The following OTOGL variants were observed in gnomAD, a reference collection of about 807,000 sequenced individuals.
The protein encoded by OTOGL is otogelin-like protein.
A neutral mutation model predicts 318.5 loss-of-function variants in OTOGL; 285 were observed. That is an observed-to-expected ratio of 0.89 (90% CI 0.81 to 0.99). OTOGL has a LOEUF of 0.99. OTOGL is among the 50% of genes least tolerant of loss of function. The pLI, the probability that OTOGL is intolerant of heterozygous loss-of-function variation, is 0.00. For missense variants in OTOGL, 2,899 were observed against 2,845.6 expected (o/e 1.02, Z -0.43); for synonymous variants, 987 against 936.5 (o/e 1.05, Z -0.99).
At chr12:80,373,522 A>G (rs977415828) in intron 57 of OTOGL, among the ~76,000 whole-genome samples, 4 of 152,088 alleles carry the variant, frequency 2.6e-5, no homozygotes, top group Non-Finnish European at 4.4e-5. Context: ...CATCTTGAGG[A>G]AGATTTCTGA....
At chr12:80,111,872 T>C (rs1319910949) in intron 1 of OTOGL, among the ~76,000 whole-genome samples, 1 of 152,206 alleles carries the variant, frequency 6.6e-6, no homozygotes, top group African/African-American at 2.4e-5. Flanking sequence ...ATTCTTTCTA[T>C]CCATGAGCAT....
At chr12:80,213,508 G>A (rs543412485) in intron 4 of OTOGL, among the ~76,000 whole-genome samples, 1 of 152,198 alleles carries the variant, frequency 6.6e-6, no homozygotes, top group South Asian at 2.1e-4. Context: ...ATTTTACCCA[G>A]CCCCTATTCA....
In OTOGL at chr12:80,355,906, G is replaced by A. The variant is rs1275465169; in HGVS notation, c.5764G>A (p.Gly1922Ser). ...VCEREAEVVM[G>S]IIDKWTCCSK... is the part of the protein sequence containing the mutation. ...TGAACGAGAAGCTGAAGTTGTCATG[G>A]GCATCATTGATAAATGGACCTGCTG... Residue 1922 changes from glycine to serine, a missense_variant, in exon 47 of 59, where the codon GGC becomes AGC. By Grantham distance (56) the Gly-to-Ser change is moderately conservative. Coordinates refer to ENST00000547103, the MANE Select transcript of OTOGL (RefSeq NM_001378609.3). 1 of 1,613,878 alleles carries A rather than the reference G, an allele frequency of 6.2e-7. No homozygotes were observed. The highest frequency in any genetic ancestry group is 2.2e-5 in the East Asian group (1 of 44,872).
intron 1 of OTOGL, among the ~76,000 whole-genome samples, chr12:80,129,761 C>G (rs1264233832): frequency 6.6e-6 from 1 of 152,188 alleles, no homozygotes; most frequent in Non-Finnish European, 1.5e-5. Context: ...TCACCTGTGA[C>G]CTTTTAGAAA....
At chr12:80,264,782 A>G (rs886436140) in intron 19 of OTOGL, among the ~76,000 whole-genome samples, 2 of 140,018 alleles carry the variant, frequency 1.4e-5, no homozygotes, top group Non-Finnish European at 3.3e-5. Flanking sequence ...TTATTCAGGT[A>G]CAATACACTA....
At chr12:80,272,638 T>C (rs1489752598) in intron 24 of OTOGL, among the ~76,000 whole-genome samples, 1 of 151,984 alleles carries the variant, frequency 6.6e-6, no homozygotes, top group Non-Finnish European at 1.5e-5. Flanking sequence ...TCAATGAACA[T>C]GTTCACACAA....
intron 45 of OTOGL, among the ~76,000 whole-genome samples, chr12:80,352,965 T>A (rs976765619): frequency 6.6e-6 from 1 of 152,178 alleles, no homozygotes; most frequent in Non-Finnish European, 1.5e-5. Context: ...GAAAGTGTAT[T>A]TTGGTTATAA....
chr12:80,246,344 C>T (rs1030665688), intron 11 of OTOGL, among the ~76,000 whole-genome samples: 4 of 144,724 alleles, frequency 2.8e-5, no homozygotes, highest in East Asian at 2.0e-4. Flanking sequence ...CCCATCAATA[C>T]CTAATTTATT....
At chr12:80,230,792 G>A (rs1357965030) in intron 8 of OTOGL, among the ~76,000 whole-genome samples, 2 of 152,154 alleles carry the variant, frequency 1.3e-5, no homozygotes, top group Admixed American at 6.5e-5. Flanking sequence ...CTGGATTTCA[G>A]TTCTTTCACC....
In OTOGL at chr12:80,372,049, G is replaced by T; in HGVS notation, c.6766G>T (p.Gly2256Cys). ...AGGGATTGTGAAGCTTTATAATGAA[G>T]GCTGTTGCAAGATCTGTAAGTGAGA... Reference protein sequence around the residue: ...NEGIVKLYNEGCCKICKREER... With the variant: ...NEGIVKLYNECCCKICKREER... Residue 2256 changes from glycine to cysteine, a missense_variant, in exon 57 of 59, where the codon GGC becomes TGC. Coordinates refer to ENST00000547103, the MANE Select transcript of OTOGL (RefSeq NM_001378609.3). 6.4e-7 allele frequency: 1 copy of T among 1,553,202 alleles called. No individual in the cohort carries two copies.
At chr12:80,342,921 G>T (rs142178773) in intron 44 of OTOGL, among the ~76,000 whole-genome samples, 1 of 151,988 alleles carries the variant, frequency 6.6e-6, no homozygotes, top group African/African-American at 2.4e-5. Flanking sequence ...TCACTTGGTC[G>T]CCTAGGCTGG....
chr12:80,252,201 G>A lies in OTOGL; in HGVS notation c.1285G>A (p.Gly429Ser). The change falls in exon 13 of 59, where the codon GGC becomes AGC. Residue 429 changes from glycine (G) to serine (S), a missense_variant and splice_region_variant. By Grantham distance (56) the Gly-to-Ser change is moderately conservative. This residue lies in a region of OTOGL where 2,607 missense variants were observed against 2,524.9 expected (regional missense o/e 1.03). Transcript: ENST00000547103. ...TCTTGATGGATGTTACTGCCCAGAT[G>A]GTAAGTGCTTCATGAAGAAACCATG... is the stretch of plus-strand genomic sequence containing the variant. Reference protein sequence around the residue: ...HCLDGCYCPDGLVMDNGTCIS... With the variant: ...HCLDGCYCPDSLVMDNGTCIS... 2 of 1,597,578 alleles carry A rather than the reference G, an allele frequency of 1.3e-6. No homozygotes were observed. The highest frequency in any genetic ancestry group is 1.7e-5 in the Admixed American group (1 of 57,896).
chr12:80,212,686 G>T (rs1238233833), intron 4 of OTOGL, among the ~76,000 whole-genome samples: 1 of 152,168 alleles, frequency 6.6e-6, no homozygotes, highest in Admixed American at 6.6e-5. Flanking sequence ...AAAGGAATAT[G>T]ATTTGAGTAT....
Position 80,380,277 on chromosome 12 carries a change from CAGTT to C in OTOGL, c.*2232_*2235del, listed in dbSNP as rs1268896862. 1 of 151,686 alleles carries C rather than the reference CAGTT, an allele frequency of 6.6e-6. No individual in the cohort carries two copies. The highest frequency in any genetic ancestry group is 6.6e-5 in the Admixed American group (1 of 15,212). 9.4% of individuals were successfully genotyped at this position (151,686 alleles called of 1,614,324 possible). A position where few individuals can be genotyped will look rare whatever the true frequency, so the allele number is the denominator to read the frequency against. On this transcript the variant is annotated 3_prime_UTR_variant, in exon 59 of 59. Coordinates refer to ENST00000547103, the MANE Select transcript of OTOGL (RefSeq NM_001378609.3). ...CCAAATAAATGATTCATAGATTTAACAGTTAGAAAACTGAAAACAGACAAATTCT... is the reference window on the plus strand; with the variant it reads ...CCAAATAAATGATTCATAGATTTAACAGAAAACTGAAAACAGACAAATTCT...
intron 8 of OTOGL, among the ~76,000 whole-genome samples, chr12:80,231,592 G>T (rs1355837317): frequency 6.6e-6 from 1 of 151,768 alleles, no homozygotes; most frequent in Non-Finnish European, 1.5e-5. Context: ...TCACATTATG[G>T]TATATAATTT....
rs1565920078 is a variant in OTOGL at position 80,238,885 on chromosome 12, TA to T, written c.853del (p.Ser285ValfsTer46). ...CAGAAGACATCGCTATGTTTGCAAA[TA>T]GTTGGTCGGTGCAAACTCCAGATGA... ...YTEDIAMFAN[S>X]WSVQTPDDTK... On this transcript the variant is annotated frameshift_variant, in exon 10 of 59. Transcript: ENST00000547103. LOFTEE classifies it high-confidence loss of function. 68 of 1,573,500 alleles carry T rather than the reference TA, an allele frequency of 4.3e-5. No individual in the cohort carries two copies. In the South Asian group the frequency reaches 6.8e-4, roughly 16 times the overall value.
chr12:80,357,702 T>A (rs1453208464), intron 49 of OTOGL, among the ~76,000 whole-genome samples: 1 of 152,180 alleles, frequency 6.6e-6, no homozygotes. Context: ...TGTCTCTATA[T>A]ATGACTCAAA....
intron 28 of OTOGL, among the ~76,000 whole-genome samples, chr12:80,303,286 G>C (rs1885894367): frequency 6.6e-6 from 1 of 152,136 alleles, no homozygotes. Flanking sequence ...CTCCGGAGTA[G>C]CTGGGACTAC....
At chr12:80,306,820 T>TA (rs78463131) in intron 29 of OTOGL, among the ~76,000 whole-genome samples, 2 of 145,822 alleles carry the variant, frequency 1.4e-5, no homozygotes, top group Non-Finnish European at 3.0e-5. Context: ...TTATTATTAT[T>TA]TTTTAATTGA....
Sources: gnomAD v4.1 joint callset for allele counts (sites outside exome capture counted in the v4.1 genomes callset) on GRCh38, gnomAD v4.1.1 for gene constraint, gnomAD v4.1.1 regional missense constraint, MANE v1.5 for transcripts, NCBI Gene and HGNC (gene_info 2026-07-23, HGNC 2026-07-21) for gene names.